The following PTCHD4 variants were observed in gnomAD, a reference collection of about 807,000 sequenced individuals.
The protein encoded by PTCHD4 is patched domain containing 4.
A neutral mutation model predicts 58.1 loss-of-function variants in PTCHD4; 33 were observed. The ratio of observed to expected loss-of-function variants is 0.57; its 90% CI spans 0.43 to 0.76. The LOEUF is 0.76. PTCHD4 is among the 30% of genes least tolerant of loss of function. PTCHD4 has a pLI of 0.00. For missense variants in PTCHD4, 1,058 were observed against 1,027.1 expected (o/e 1.03, Z -0.41); for synonymous variants, 478 against 409.6 (o/e 1.17, Z -2.02).
intron 4 of PTCHD4, among the ~76,000 whole-genome samples, chr6:47,927,922 C>T (rs1358347760): frequency 1.3e-5 from 2 of 151,934 alleles, no homozygotes; most frequent in South Asian, 2.1e-4. Flanking sequence ...TGTACCCATC[C>T]TATTTCTTAT....
rs1764883097 is a variant in PTCHD4 at position 48,068,523 on chromosome 6, A to G, written c.124T>C (p.Phe42Leu). The G allele has an allele frequency of 6.2e-7, 1 of 1,612,068 alleles. No individual in the cohort carries two copies. The change falls in exon 3 of 5, where the codon TTC becomes CTC. Residue 42 changes from phenylalanine to leucine, a missense_variant. Coordinates refer to ENST00000339488, the MANE Select transcript of PTCHD4 (RefSeq NM_001384253.1). This position sits in a 1 kb window ranked among gnomAD's most constrained non-coding sequence, Gnocchi z 4.2. Reference sequence around the variant, plus strand: ...GTCAGGACTGCGGGCACGGTGAGGAAAAAGACCGGGTGCCGGCTCACGCAC... The same window carrying G: ...GTCAGGACTGCGGGCACGGTGAGGAGAAAGACCGGGTGCCGGCTCACGCAC... ...GLCVSRHPVF[F>L]LTVPAVLTIT... is the part of the protein sequence containing the mutation.
In PTCHD4 at chr6:47,941,443, A is replaced by G. The variant is rs146318196; in HGVS notation, c.899-61507T>C. Reference sequence around the variant, plus strand: ...CCAGTTGCCTATATTATATCTATCTAGAGTGAAATACCATTCTCCCTGACA... The same window carrying G: ...CCAGTTGCCTATATTATATCTATCTGGAGTGAAATACCATTCTCCCTGACA... On this transcript the variant is annotated intron_variant, in intron 4 of 4. Transcript: ENST00000339488. Among the ~76,000 whole-genome samples the G allele has an allele frequency of 1.9e-3, 295 of 152,268 alleles. 2 individuals carry two copies. The highest frequency in any genetic ancestry group is 6.7e-3 in the African/African-American group (280 of 41,550).
intron 1 of PTCHD4, among the ~76,000 whole-genome samples, chr6:48,070,176 T>G (rs1764951591): frequency 6.6e-6 from 1 of 151,832 alleles, no homozygotes; most frequent in Non-Finnish European, 1.5e-5. Context: ...TATGAATTTT[T>G]TAGGGCAAAC....
intron 4 of PTCHD4, chr6:47,901,935 C>A (rs17556966): frequency 7.7e-7 from 1 of 1,300,280 alleles, no homozygotes; most frequent in African/African-American, 1.5e-5. Context: ...AGTGGAGATG[C>A]CTTAAAAATA....
chr6:47,964,942 G>A (rs114367289), intron 4 of PTCHD4, among the ~76,000 whole-genome samples: 1,847 of 152,108 alleles, frequency 0.012, 35 homozygotes, highest in African/African-American at 0.04. Context: ...CACTCGAGTG[G>A]GTTTTTTGGC....
chr6:48,023,877 G>A (rs926149858), intron 3 of PTCHD4, among the ~76,000 whole-genome samples: 3 of 152,084 alleles, frequency 2.0e-5, no homozygotes, highest in African/African-American at 7.2e-5. Context: ...TTCATGCTAG[G>A]GGTCATATGA....
intron 1 of PTCHD4, among the ~76,000 whole-genome samples, chr6:48,099,349 T>C (rs545322777): frequency 6.6e-6 from 1 of 152,336 alleles, no homozygotes; most frequent in East Asian, 1.9e-4. Context: ...TTCTAGAACT[T>C]GGTATCATTG....
chr6:47,927,382 C>T (rs1241183365), intron 4 of PTCHD4, among the ~76,000 whole-genome samples: 1 of 152,162 alleles, frequency 6.6e-6, no homozygotes, highest in African/African-American at 2.4e-5. Flanking sequence ...AATAGGCACT[C>T]ATTCCCTGCT....
At chr6:47,929,335 G>A (rs1280702400) in intron 4 of PTCHD4, among the ~76,000 whole-genome samples, 1 of 152,146 alleles carries the variant, frequency 6.6e-6, no homozygotes, top group Non-Finnish European at 1.5e-5. Context: ...TGAATATCAA[G>A]AGCCTACTTG....
intron 1 of PTCHD4, among the ~76,000 whole-genome samples, chr6:48,108,340 C>T (rs1280179729): frequency 2.0e-5 from 3 of 152,074 alleles, no homozygotes; most frequent in Non-Finnish European, 4.4e-5. Flanking sequence ...TCTCAGCAAA[C>T]TATCGCAAGG....
chr6:47,893,475 A>G (rs1764441877), intron 4 of PTCHD4, among the ~76,000 whole-genome samples: 1 of 152,206 alleles, frequency 6.6e-6, no homozygotes, highest in African/African-American at 2.4e-5. Flanking sequence ...TGGAGTCATC[A>G]TTTTATCATG....
At position 47,873,657 on chromosome 6, in the gene PTCHD4, TC is replaced by T. The variant is rs1179211608; in HGVS notation, c.*4645del. ...TAGTAAAAAACTTGATTTTTCCCTA[TC>T]CTATATATCTGCAGCTCACTGATTT... On this transcript the variant is annotated 3_prime_UTR_variant, in exon 5 of 5. Coordinates refer to ENST00000339488, the MANE Select transcript of PTCHD4 (RefSeq NM_001384253.1). Among the ~76,000 whole-genome samples the T allele has an allele frequency of 6.6e-6, 1 of 151,636 alleles. No homozygotes were observed. Among genetic ancestry groups the T allele is most frequent in the African/African-American group, 2.4e-5 (1 of 41,366 alleles).
At chr6:48,008,539 C>A (rs977394934) in intron 4 of PTCHD4, 95 bp downstream of exon 4, 2 of 1,403,080 alleles carry the variant, frequency 1.4e-6, no homozygotes, top group Non-Finnish European at 1.9e-6. Context: ...CACCCCAATG[C>A]AAAATTAAAA....
chr6:47,912,647 A>G (rs78630456), intron 4 of PTCHD4, among the ~76,000 whole-genome samples: 7,769 of 152,230 alleles, frequency 0.051, 262 homozygotes, highest in African/African-American at 0.076. Flanking sequence ...AATAAGAATT[A>G]GTGACATTAT....
At chr6:47,920,535 G>A (rs541581191) in intron 4 of PTCHD4, among the ~76,000 whole-genome samples, 1 of 152,288 alleles carries the variant, frequency 6.6e-6, no homozygotes, top group Non-Finnish European at 1.5e-5. Context: ...AAGAGTTCAA[G>A]ATAAAAATTG....
chr6:47,916,940 T>A (rs1010916237), intron 4 of PTCHD4, among the ~76,000 whole-genome samples: 32 of 143,994 alleles, frequency 2.2e-4, no homozygotes, highest in Non-Finnish European at 3.3e-4. Flanking sequence ...TTAAAGAAAT[T>A]CCCTGGTTTA....
chr6:47,900,982 G>A (rs1314471216), intron 4 of PTCHD4: 15 of 151,292 alleles, frequency 9.9e-5, no homozygotes, highest in African/African-American at 3.6e-4. Context: ...GTGAAACCCC[G>A]TCTCTACTAA....
intron 1 of PTCHD4, among the ~76,000 whole-genome samples, chr6:48,072,416 T>A (rs1764992375): frequency 6.6e-6 from 1 of 152,226 alleles, no homozygotes; most frequent in African/African-American, 2.4e-5. Context: ...GTCTCTGTGA[T>A]ATTCCATTAC....
In PTCHD4 at chr6:48,068,419, G is replaced by A. The variant is rs767571587; in HGVS notation, c.228C>T (p.Ser76=). 6.2e-7 allele frequency: 1 copy of A among 1,613,970 alleles called. No homozygotes were observed. Among genetic ancestry groups the A allele is most frequent in the South Asian group, 1.1e-5 (1 of 91,074 alleles). ...DLERLVAPSH[S]LAKIERSLAS... ...CCAGGCTGCGCTCGATCTTGGCCAG[G>A]CTGTGGCTGGGAGCGACCAGGCGCT... The change falls in exon 3 of 5, where the codon AGC becomes AGT. Residue 76 remains serine (S), a synonymous_variant. Coordinates refer to ENST00000339488, the MANE Select transcript of PTCHD4 (RefSeq NM_001384253.1). The surrounding 1 kb of genome is among the most constrained non-coding windows in gnomAD (Gnocchi z 4.2).
Sources: allele counts gnomAD v4.1 joint callset (sites outside exome capture counted in the v4.1 genomes callset), GRCh38; gene constraint gnomAD v4.1.1; non-coding constraint Gnocchi (gnomAD v3.1); transcripts MANE v1.5; gene names NCBI Gene and HGNC (gene_info 2026-07-23, HGNC 2026-07-21).